The following NSUN2 variants were observed in gnomAD, a reference collection of about 807,000 sequenced individuals.
NSUN2 encodes NOP2/Sun RNA methyltransferase 2, also known as RNA cytosine C(5)-methyltransferase NSUN2.
NSUN2 carries 63 observed loss-of-function variants against 92.7 expected under a neutral mutation model. The ratio of observed to expected loss-of-function variants is 0.68; its 90% confidence interval spans 0.56 to 0.84. The LOEUF is 0.84. Ranked by LOEUF, NSUN2 falls within the 40% of genes least tolerant of loss-of-function variation. The probability of loss-of-function intolerance (pLI) is 0.00; values close to 1 mark genes in which losing one functional copy is unlikely to be tolerated. For synonymous variants in NSUN2, 356 were observed against 348.3 expected (o/e 1.02, Z -0.25); for missense variants, 989 against 964.9 (o/e 1.02, Z -0.33).
chr5:6,632,083 T>C, intron 2 of NSUN2, 106 bp from the exon 3 acceptor site: 1 of 831,584 alleles, frequency 1.2e-6, no homozygotes. Flanking sequence ...AACCAACTTT[T>C]GCATGGAGAG....
intron 16 of NSUN2, 150 bp from the exon 17 acceptor site, chr5:6,604,426 C>A (rs866236839): frequency 1.4e-4 from 130 of 930,124 alleles, no homozygotes; most frequent in African/African-American, 1.0e-3. Flanking sequence ...ACCCACCCCC[C>A]CCTAGGAGGG....
At chr5:6,616,676 A>AAAACACAAAGAAAAACAGTGTT in intron 9 of NSUN2, 51 bp downstream of exon 9, 1 of 238,898 alleles carries the variant, frequency 4.2e-6, no homozygotes, top group Non-Finnish European at 6.5e-6. Flanking sequence ...TACCATACAC[A>AAAACACAAAGAAAAACAGTGTT]TATGAAAAGC....
intron 17 of NSUN2, chr5:6,603,876 G>A (rs1189657718): frequency 3.2e-5 from 12 of 375,510 alleles, no homozygotes; most frequent in South Asian, 2.7e-4. Context: ...AGCCCTGCAC[G>A]CCACACAGAC....
chr5:6,617,943 T>C lies in NSUN2; in HGVS notation c.890+7A>G. On this transcript the variant is annotated splice_region_variant and intron_variant, in intron 8 of 18. Transcript: ENST00000264670. ...CACAGTGTTAGCAGTGATGAAGTTT[T>C]ACTTACCCATGTAGCTGCAAGCTAT... 6.2e-7 allele frequency: 1 copy of C among 1,609,720 alleles called. No individual in the cohort carries two copies. The highest frequency in any genetic ancestry group is 1.1e-5 in the South Asian group (1 of 90,944).
intron 9 of NSUN2, 137 bp from the exon 10 acceptor site, chr5:6,611,935 G>A (rs41282637): frequency 0.02 from 14,779 of 732,056 alleles, 220 homozygotes; most frequent in South Asian, 0.027. Flanking sequence ...CAAACCCGTC[G>A]ACAGAAAGTG....
At chr5:6,614,396 TTTTC>T (rs1487634508) in intron 9 of NSUN2, among the ~76,000 whole-genome samples, 2 of 152,076 alleles carry the variant, frequency 1.3e-5, no homozygotes, top group African/African-American at 4.8e-5. Flanking sequence ...AGCATTCCCG[TTTTC>T]TTTTTCACCC....
intron 18 of NSUN2, among the ~76,000 whole-genome samples, 189 bp downstream of exon 18, chr5:6,602,272 A>G (rs759365873): frequency 1.4e-4 from 22 of 152,232 alleles, no homozygotes; most frequent in Non-Finnish European, 2.9e-4. Context: ...GTGTTCTATG[A>G]AACAGCATCT....
chr5:6,610,591 C>T (rs1736945562), intron 11 of NSUN2, among the ~76,000 whole-genome samples: 2 of 150,592 alleles, frequency 1.3e-5, no homozygotes, highest in South Asian at 4.2e-4. Context: ...GGCTGAGGCA[C>T]GAGAATTGCT....
chr5:6,630,861 G>A (rs1332687655), intron 3 of NSUN2, among the ~76,000 whole-genome samples: 1 of 152,166 alleles, frequency 6.6e-6, no homozygotes, highest in Non-Finnish European at 1.5e-5. Flanking sequence ...TTGGGAGGCC[G>A]AGGTGGGCGG....
chr5:6,632,733 C>T lies in NSUN2; in HGVS notation c.120G>A (p.Glu40=). ...CGAACAGCTTGTTCTCCTTGACGAT[C>T]TCGGGGTAGCCTCCTTCCCAGCCCT... is the stretch of plus-strand genomic sequence containing the variant. ...GEAGWEGGYP[E]IVKENKLFEH... The change falls in exon 2 of 19, where the codon GAG becomes GAA. Residue 40 remains glutamate, a synonymous_variant. Coordinates refer to ENST00000264670, the MANE Select transcript of NSUN2 (RefSeq NM_017755.6). The T allele has an allele frequency of 6.2e-7, 1 of 1,614,064 alleles. No homozygotes were observed. Among genetic ancestry groups the T allele is most frequent in the Non-Finnish European group, 8.5e-7 (1 of 1,179,942 alleles).
intron 6 of NSUN2, chr5:6,620,811 C>G (rs965645888): frequency 1.3e-5 from 2 of 152,342 alleles, no homozygotes; most frequent in Non-Finnish European, 2.9e-5. Context: ...TCTTCTCACA[C>G]CCCCAGCAAA....
chr5:6,607,842 C>A (rs1038972039), intron 12 of NSUN2, among the ~76,000 whole-genome samples: 2 of 152,166 alleles, frequency 1.3e-5, no homozygotes, highest in African/African-American at 4.8e-5. Flanking sequence ...GCCACAGGAA[C>A]TGGGAGAAAG....
intron 12 of NSUN2, among the ~76,000 whole-genome samples, chr5:6,608,366 G>A (rs1736864367): frequency 1.3e-5 from 2 of 152,168 alleles, no homozygotes; most frequent in African/African-American, 4.8e-5. Flanking sequence ...GTCAGTGTGA[G>A]CTTCCCTGGC....
chr5:6,622,137 A>C, intron 5 of NSUN2, 37 bp from the exon 6 acceptor site: 1 of 1,492,044 alleles, frequency 6.7e-7, no homozygotes, highest in Non-Finnish European at 9.3e-7. Context: ...ATGTTTTTAA[A>C]AAACCAAATA....
chr5:6,618,643 T>C (rs3776431), intron 7 of NSUN2, among the ~76,000 whole-genome samples: 52,410 of 152,004 alleles, frequency 0.34, 9,262 homozygotes, highest in Middle Eastern at 0.44. Context: ...GCTAATATAA[T>C]AGCTAAATTT....
chr5:6,629,891 C>T (rs899234255), intron 3 of NSUN2, among the ~76,000 whole-genome samples: 2 of 152,154 alleles, frequency 1.3e-5, no homozygotes, highest in Non-Finnish European at 1.5e-5. Context: ...AGAGATCTTC[C>T]GCCATGATTT....
chr5:6,624,215 T>C (rs1425172744), intron 4 of NSUN2, among the ~76,000 whole-genome samples: 1 of 152,232 alleles, frequency 6.6e-6, no homozygotes, highest in African/African-American at 2.4e-5. Flanking sequence ...CGTGTGATCC[T>C]GATATGCCTG....
intron 9 of NSUN2, among the ~76,000 whole-genome samples, chr5:6,615,149 G>C (rs1385191373): frequency 6.6e-6 from 1 of 151,646 alleles, no homozygotes; most frequent in Non-Finnish European, 1.5e-5. Flanking sequence ...AAAAGACAAA[G>C]AGCACCAGCC....
At chr5:6,619,072 C>G (rs1737330161) in intron 7 of NSUN2, among the ~76,000 whole-genome samples, 1 of 152,046 alleles carries the variant, frequency 6.6e-6, no homozygotes, top group Non-Finnish European at 1.5e-5. Flanking sequence ...TCTCAGATCT[C>G]AGAATATGAT....
Sources: gnomAD v4.1 joint callset for allele counts (sites outside exome capture counted in the v4.1 genomes callset) on GRCh38, gnomAD v4.1.1 for gene constraint, MANE v1.5 for transcripts, NCBI Gene and HGNC (gene_info 2026-07-23, HGNC 2026-07-21) for gene names.